MINK1: variants seen among roughly 807,000 people sequenced by gnomAD.
The protein encoded by MINK1 is misshapen-like kinase 1.
Under a neutral mutation model 178.4 loss-of-function variants are expected in MINK1, and 46 were observed. The ratio of observed to expected loss-of-function variants is 0.26; its 90% confidence interval spans 0.20 to 0.33. The LOEUF is 0.33. MINK1 is among the 10% of genes least tolerant of loss of function. The pLI is 1.00. For synonymous variants in MINK1, 797 were observed against 709.7 expected (o/e 1.12, Z -1.96); for missense variants, 1,366 against 1,814.9 (o/e 0.75, Z 4.49).
In MINK1 at chr17:4,894,446, G is replaced by C. The variant is rs545126062; in HGVS notation, c.2809-79G>C. 6.6e-7 allele frequency: 1 copy of C among 1,519,056 alleles called. No individual in the cohort carries two copies. Among genetic ancestry groups the C allele is most frequent in the South Asian group, 1.2e-5 (1 of 83,320 alleles). 94.1% of individuals were successfully genotyped at this position (1,519,056 alleles called of 1,614,324 possible). A position where few individuals can be genotyped will look rare whatever the true frequency, so the allele number is the denominator to read the frequency against. ...AGCGGGGGTGCCAGTTGGGGAGCTG[G>C]AGCCTGGGGAACAGCAGCAGGGGCA... On this transcript the variant is annotated intron_variant, in intron 23 of 31. Transcript: ENST00000355280. The surrounding 1 kb of genome is among the most constrained non-coding windows in gnomAD (Gnocchi z 4.1).
rs564556618 is a variant in MINK1 at position 4,833,398 on chromosome 17, G to C, written c.-186G>C. Reference sequence around the variant, plus strand: ...GTGGTAGGCTCGGGTGGCTGGCTCCGGGGAGATAGCGCCTGTCAGTCGGTG... The same window carrying C: ...GTGGTAGGCTCGGGTGGCTGGCTCCCGGGAGATAGCGCCTGTCAGTCGGTG... On this transcript the variant is annotated 5_prime_UTR_variant, in exon 1 of 32. Transcript: ENST00000355280. This position sits in a 1 kb window ranked among gnomAD's most constrained non-coding sequence, Gnocchi z 4.8. The C allele has an allele frequency of 1.4e-4, 77 of 533,494 alleles. No homozygotes were observed. The highest frequency in any genetic ancestry group is 1.2e-3 in the Admixed American group (31 of 25,062). 33.0% of individuals were successfully genotyped at this position (533,494 alleles called of 1,614,324 possible). A position where few individuals can be genotyped will look rare whatever the true frequency, so the allele number is the denominator to read the frequency against.
chr17:4,835,613 C>T (rs568814586), intron 1 of MINK1, among the ~76,000 whole-genome samples: 4 of 152,112 alleles, frequency 2.6e-5, no homozygotes, highest in Non-Finnish European at 4.4e-5. Context: ...GGCGACAAAG[C>T]GAGACCTTGT....
rs752908011 is a variant in MINK1, at chr17:4,885,512, C to T, written c.538C>T (p.Arg180Cys). ...VDFGVSAQLD[R>C]TVGRRNTFIG... ...TTTTGGGGTGAGTGCTCAGCTGGAC[C>T]GCACCGTGGGCAGACGGAACACTTT... The change falls in exon 7 of 32, where the codon CGC becomes TGC. Residue 180 changes from arginine to cysteine, a missense_variant. By Grantham distance (180) the Arg-to-Cys change is radical. Coordinates refer to ENST00000355280, the MANE Select transcript of MINK1 (RefSeq NM_153827.5). This position sits in a 1 kb window ranked among gnomAD's most constrained non-coding sequence, Gnocchi z 5.0. 3 of 1,613,904 alleles carry T rather than the reference C, an allele frequency of 1.9e-6. No individual in the cohort carries two copies. The highest frequency in any genetic ancestry group is 1.3e-5 in the African/African-American group (1 of 75,008).
chr17:4,863,657 T>G (rs531576665), intron 1 of MINK1, among the ~76,000 whole-genome samples: 1 of 152,254 alleles, frequency 6.6e-6, no homozygotes, highest in East Asian at 1.9e-4. Flanking sequence ...GTTGTAAACT[T>G]TTTCACCTGT....
chr17:4,870,996 T>C, intron 1 of MINK1: 1 of 265,760 alleles, frequency 3.8e-6, no homozygotes, highest in Non-Finnish European at 8.2e-6. Flanking sequence ...TCCCAGCCCC[T>C]GGCAACCACT....
At chr17:4,851,315 G>A (rs891264703) in intron 1 of MINK1, among the ~76,000 whole-genome samples, 21 of 152,226 alleles carry the variant, frequency 1.4e-4, no homozygotes, top group African/African-American at 4.3e-4. Context: ...AGTGATTTGC[G>A]GATTTGCCTA....
At chr17:4,857,398 A>C (rs1913339034) in intron 1 of MINK1, 1 of 152,808 alleles carries the variant, frequency 6.5e-6, no homozygotes, top group Admixed American at 6.6e-5. Flanking sequence ...GAGGGGGACA[A>C]GGATGGGCAT....
Position 4,833,495 on chromosome 17 carries a change from T to C in MINK1, c.-89T>C. ...GCGCGGTGGAGTCCGCCCCCGGGGT[T>C]CTCCGATGGGGGAGAAGCGGCGACG... On this transcript the variant is annotated 5_prime_UTR_variant, in exon 1 of 32. Transcript: ENST00000355280. The surrounding 1 kb of genome is among the most constrained non-coding windows in gnomAD (Gnocchi z 4.8). The C allele has an allele frequency of 8.6e-7, 1 of 1,164,598 alleles. No individual in the cohort carries two copies. Among genetic ancestry groups the C allele is most frequent in the South Asian group, 1.4e-5 (1 of 70,168 alleles). 72.1% of individuals were successfully genotyped at this position (1,164,598 alleles called of 1,614,324 possible). A position where few individuals can be genotyped will look rare whatever the true frequency, so the allele number is the denominator to read the frequency against.
chr17:4,878,211 C>A, intron 1 of MINK1, 106 bp from the exon 2 acceptor site: 1 of 972,684 alleles, frequency 1.0e-6, no homozygotes, highest in Non-Finnish European at 1.5e-6. Context: ...TCCTGATATG[C>A]TGGTCTTCAC....
At position 4,895,826 on chromosome 17, in the gene MINK1, C is replaced by T. The variant is rs369723077; in HGVS notation, c.3358C>T (p.Arg1120Cys). 4.3e-6 allele frequency: 7 copies of T among 1,613,264 alleles called. No homozygotes were observed. Among genetic ancestry groups the T allele is most frequent in the South Asian group, 1.1e-5 (1 of 91,050 alleles). The change falls in exon 27 of 32, where the codon CGT becomes TGT. Residue 1120 changes from arginine to cysteine, a missense_variant. Physicochemically the swap from Arg to Cys is radical, Grantham distance 180 (BLOSUM62 -3). This residue lies in a region of MINK1 where 77 missense variants were observed against 119.5 expected (regional missense o/e 0.64). Coordinates refer to ENST00000355280, the MANE Select transcript of MINK1 (RefSeq NM_153827.5). The surrounding 1 kb of genome is among the most constrained non-coding windows in gnomAD (Gnocchi z 4.3). ...VGDMEGCGHYRVVKYERIKFL... is the reference protein window; with the variant it reads ...VGDMEGCGHYCVVKYERIKFL... The stretch of plus-strand genomic sequence containing the variant: ...GGACATGGAGGGCTGCGGGCACTAC[C>T]GTGTTGGTGAGGATGTCCCAACAGA...
At chr17:4,897,135 T>C (rs1401842024) in intron 31 of MINK1, 69 bp from the exon 32 acceptor site, 19 of 1,250,264 alleles carry the variant, frequency 1.5e-5, no homozygotes, top group Non-Finnish European at 2.2e-5. Context: ...TCTTCCCTTC[T>C]TTCCCTCTCC....
At chr17:4,834,799 C>T (rs775106991) in intron 1 of MINK1, 2 of 520,086 alleles carry the variant, frequency 3.8e-6, no homozygotes, top group Non-Finnish European at 7.7e-6. Context: ...CTGGAGGCCC[C>T]TGCTCAGACT....
intron 1 of MINK1, among the ~76,000 whole-genome samples, chr17:4,840,477 G>A (rs545133141): frequency 7.2e-5 from 11 of 151,918 alleles, no homozygotes; most frequent in African/African-American, 2.4e-4. Context: ...TTTACTTACT[G>A]GGGGAGGGAC....
Position 4,892,163 on chromosome 17 carries a change from C to T in MINK1, c.2016C>T (p.Thr672=). 1.9e-6 allele frequency: 3 copies of T among 1,599,424 alleles called. No homozygotes were observed. The South Asian group carries it at 3.4e-5, about 18-fold the overall frequency. The part of the protein sequence containing the change: ...NEAPPKVPQR[T]SSIATALNTS... ...TCTCTCCACAGGTGCCTCAGAGGAC[C>T]TCATCTATCGCCACTGCCCTTAACA... Residue 672 remains threonine, a synonymous_variant, in exon 17 of 32, where the codon ACC becomes ACT. Coordinates refer to ENST00000355280, the MANE Select transcript of MINK1 (RefSeq NM_153827.5).
chr17:4,868,444 C>T (rs1158355933), intron 1 of MINK1, among the ~76,000 whole-genome samples: 4 of 152,300 alleles, frequency 2.6e-5, no homozygotes, highest in South Asian at 2.1e-4. Flanking sequence ...TGGCAACCCC[C>T]GTTCTACTCT....
In MINK1 at chr17:4,891,200, G is replaced by GCACACACACACA. The variant is rs3081308; in HGVS notation, c.1740+90_1740+101dup. 2.9e-3 allele frequency: 2,948 copies of GCACACACACACA among 1,003,340 alleles called. 2 individuals carry two copies. The highest frequency in any genetic ancestry group is 0.018 in the East Asian group (634 of 35,762). The allele number at this position is 1,003,340 out of a possible 1,614,324, so 62.2% of individuals were successfully genotyped here. A position where few individuals can be genotyped will look rare whatever the true frequency, so the allele number is the denominator to read the frequency against. ...AGAGCACAGGTACACACACACGCGC[G>GCACACACACACA]CACACACACACACACACACACACAC... On this transcript the variant is annotated intron_variant, in intron 15 of 31. Coordinates refer to ENST00000355280, the MANE Select transcript of MINK1 (RefSeq NM_153827.5).
intron 1 of MINK1, among the ~76,000 whole-genome samples, chr17:4,872,018 A>G (rs532411457): frequency 1.3e-5 from 2 of 152,190 alleles, no homozygotes; most frequent in South Asian, 4.1e-4. Context: ...CTTCACACCT[A>G]CTAGGATGGC....
At position 4,887,298 on chromosome 17, in the gene MINK1, C is replaced by G; in HGVS notation, c.1019+119C>G. On this transcript the variant is annotated intron_variant, in intron 11 of 31. Coordinates refer to ENST00000355280, the MANE Select transcript of MINK1 (RefSeq NM_153827.5). This position sits in a 1 kb window ranked among gnomAD's most constrained non-coding sequence, Gnocchi z 7.6. ...TGGTGGGCACAGAGAGGTAGAGACTCCTGGAAACCAAATTTCTGAGTGCTA... is the reference window on the plus strand; with the variant it reads ...TGGTGGGCACAGAGAGGTAGAGACTGCTGGAAACCAAATTTCTGAGTGCTA... 1.9e-6 allele frequency: 2 copies of G among 1,053,200 alleles called. No homozygotes were observed. Among genetic ancestry groups the G allele is most frequent in the South Asian group, 2.9e-5 (2 of 69,124 alleles). The allele number at this position is 1,053,200 out of a possible 1,614,324, so 65.2% of individuals were successfully genotyped here. A position where few individuals can be genotyped will look rare whatever the true frequency, so the allele number is the denominator to read the frequency against.
At chr17:4,840,028 C>T (rs1909971186) in intron 1 of MINK1, among the ~76,000 whole-genome samples, 1 of 150,558 alleles carries the variant, frequency 6.6e-6, no homozygotes, top group Admixed American at 6.6e-5. Context: ...CTTTAACATG[C>T]CGTGGGCACA....
Sources: allele counts gnomAD v4.1 joint callset (sites outside exome capture counted in the v4.1 genomes callset), GRCh38; gene constraint gnomAD v4.1.1; regional missense constraint gnomAD v4.1.1; non-coding constraint Gnocchi (gnomAD v3.1); transcripts MANE v1.5; gene names NCBI Gene and HGNC (gene_info 2026-07-23, HGNC 2026-07-21).